ST3GAL2: variants seen among roughly 807,000 people sequenced by gnomAD.
The protein encoded by ST3GAL2 is ST3 beta-galactoside alpha-2,3-sialyltransferase 2, also known as CMP-N-acetylneuraminate-beta-galactosamide-alpha-2,3-sialyltransferase 2.
ST3GAL2 carries 16 observed loss-of-function variants against 37.5 expected under a neutral mutation model. The observed-to-expected ratio is 0.43, with a 90% confidence interval of 0.29 to 0.65. The LOEUF is 0.65. Among genes scored for constraint, ST3GAL2 ranks in the 30% least tolerant of loss-of-function variants. The probability of loss-of-function intolerance (pLI) is 0.17; values close to 1 mark genes in which losing one functional copy is unlikely to be tolerated. For synonymous variants in ST3GAL2, 238 were observed against 202.9 expected (o/e 1.17, Z -1.47); for missense variants, 383 against 487.8 (o/e 0.79, Z 2.02).
intron 1 of ST3GAL2, among the ~76,000 whole-genome samples, chr16:70,412,817 C>T (rs1373272037): frequency 6.6e-6 from 1 of 151,768 alleles, no homozygotes; most frequent in East Asian, 1.9e-4. Context: ...GAGGCCTAAG[C>T]AGGCGGATCA....
chr16:70,437,388 T>C (rs919105722), intron 1 of ST3GAL2, among the ~76,000 whole-genome samples: 8 of 152,172 alleles, frequency 5.3e-5, no homozygotes, highest in Middle Eastern at 3.4e-3. Flanking sequence ...AGATCAAGAT[T>C]GCTCCTTCAG....
rs559557885 is a variant in ST3GAL2 at position 70,399,331 on chromosome 16, G to A, written c.-801C>T. Reference sequence around the variant, plus strand: ...GCGCTGGGAACAGCTGCTGTTCAGCGGGGCACTGTGTCCAATACCATCTGG... The same window carrying A: ...GCGCTGGGAACAGCTGCTGTTCAGCAGGGCACTGTGTCCAATACCATCTGG... On this transcript the variant is annotated 5_prime_UTR_variant, in exon 2 of 7. Coordinates refer to ENST00000342907, the MANE Select transcript of ST3GAL2 (RefSeq NM_006927.4). The A allele has an allele frequency of 5.5e-5, 22 of 398,822 alleles. No homozygotes were observed. The highest frequency in any genetic ancestry group is 3.2e-4 in the East Asian group (9 of 28,076). 24.7% of individuals were successfully genotyped at this position (398,822 alleles called of 1,614,324 possible). A position where few individuals can be genotyped will look rare whatever the true frequency, so the allele number is the denominator to read the frequency against.
intron 3 of ST3GAL2, among the ~76,000 whole-genome samples, chr16:70,390,716 CCTT>C (rs2047476810): frequency 6.6e-6 from 1 of 152,236 alleles, no homozygotes; most frequent in South Asian, 2.1e-4. Context: ...TGTCTGGAAA[CCTT>C]CTCTGTGGCT....
chr16:70,431,768 C>A (rs2047791867), intron 1 of ST3GAL2, among the ~76,000 whole-genome samples: 1 of 151,740 alleles, frequency 6.6e-6, no homozygotes, highest in Non-Finnish European at 1.5e-5. Context: ...TCGAGACCAT[C>A]CTGGCTAATA....
chr16:70,383,461 G>A (rs905628130), intron 4 of ST3GAL2, among the ~76,000 whole-genome samples: 7 of 151,060 alleles, frequency 4.6e-5, no homozygotes, highest in African/African-American at 4.9e-5. Context: ...GAGCACAGCT[G>A]TTATCCCAGC....
chr16:70,377,176 CTT>C lies in ST3GAL2; in HGVS notation c.*4511_*4512del, dbSNP rs1372271244. ...GTCTGGGCGACAGGAGACCCTGTCT[CTT>C]AAAAAAAAAAAAAAAAAAAAAAAAA... On this transcript the variant is annotated 3_prime_UTR_variant, in exon 7 of 7. Transcript: ENST00000342907. 1.9e-5 allele frequency: 2 copies of C among 103,064 alleles called. No individual in the cohort carries two copies. Among genetic ancestry groups the C allele is most frequent in the East Asian group, 2.9e-4 (1 of 3,432 alleles). The allele number at this position is 103,064 out of a possible 1,614,324, so 6.4% of individuals were successfully genotyped here. A position where few individuals can be genotyped will look rare whatever the true frequency, so the allele number is the denominator to read the frequency against.
At chr16:70,387,535 A>G (rs1253758949) in intron 4 of ST3GAL2, among the ~76,000 whole-genome samples, 1 of 152,170 alleles carries the variant, frequency 6.6e-6, no homozygotes, top group Non-Finnish European at 1.5e-5. Flanking sequence ...AACCTGGGTA[A>G]GAGAGTGAGA....
In ST3GAL2 at chr16:70,381,601, T is replaced by G; in HGVS notation, c.*88A>C. ...CAGCAGACGCCCCTGGGCTGCAGCA[T>G]GATTGGTCGCGGGTTGCTGGTCCTG... On this transcript the variant is annotated 3_prime_UTR_variant, in exon 7 of 7. Coordinates refer to ENST00000342907, the MANE Select transcript of ST3GAL2 (RefSeq NM_006927.4). The G allele has an allele frequency of 6.7e-7, 1 of 1,496,322 alleles. No homozygotes were observed. The highest frequency in any genetic ancestry group is 9.0e-7 in the Non-Finnish European group (1 of 1,112,338). The allele number at this position is 1,496,322 out of a possible 1,614,324, so 92.7% of individuals were successfully genotyped here.
chr16:70,426,264 G>A (rs565535680), intron 1 of ST3GAL2, among the ~76,000 whole-genome samples: 28 of 147,912 alleles, frequency 1.9e-4, no homozygotes, highest in African/African-American at 6.7e-4. Flanking sequence ...CGCGATCTCG[G>A]CTCACTGCAA....
At chr16:70,418,487 A>G (rs1208866043) in intron 1 of ST3GAL2, among the ~76,000 whole-genome samples, 1 of 152,184 alleles carries the variant, frequency 6.6e-6, no homozygotes, top group Non-Finnish European at 1.5e-5. Context: ...AGCTGGTGAC[A>G]GGAATACTAA....
chr16:70,396,298 C>CAAAA (rs35024720), intron 2 of ST3GAL2, among the ~76,000 whole-genome samples: 1 of 129,346 alleles, frequency 7.7e-6, no homozygotes. Flanking sequence ...TATTTTTACT[C>CAAAA]AAAAAAAAAA....
chr16:70,424,771 T>C (rs2047739126), intron 1 of ST3GAL2, among the ~76,000 whole-genome samples: 2 of 152,288 alleles, frequency 1.3e-5, no homozygotes, highest in South Asian at 2.1e-4. Context: ...CAGATGCCTG[T>C]GGGTATGACT....
At chr16:70,437,261 A>G (rs1233607150) in intron 1 of ST3GAL2, among the ~76,000 whole-genome samples, 2 of 152,338 alleles carry the variant, frequency 1.3e-5, no homozygotes, top group East Asian at 1.9e-4. Flanking sequence ...CCACACAGAC[A>G]GTTGGCCCCC....
intron 1 of ST3GAL2, among the ~76,000 whole-genome samples, chr16:70,418,697 CAT>C (rs2151673335): frequency 6.6e-6 from 1 of 152,294 alleles, no homozygotes; most frequent in South Asian, 2.1e-4. Context: ...TCCCCAGATA[CAT>C]AGATACGCTC....
intron 1 of ST3GAL2, among the ~76,000 whole-genome samples, chr16:70,405,203 A>G (rs943166058): frequency 1.3e-5 from 2 of 152,234 alleles, no homozygotes; most frequent in South Asian, 4.1e-4. Context: ...AAGTTCTGGC[A>G]CTGCTACAGC....
chr16:70,405,031 CAAA>C (rs370157293), intron 1 of ST3GAL2, among the ~76,000 whole-genome samples: 4 of 69,848 alleles, frequency 5.7e-5, no homozygotes. Flanking sequence ...GACTCCATCT[CAAA>C]AAAAAAAAAA....
At chr16:70,417,380 G>C (rs1332608195) in intron 1 of ST3GAL2, among the ~76,000 whole-genome samples, 1 of 152,066 alleles carries the variant, frequency 6.6e-6, no homozygotes, top group Non-Finnish European at 1.5e-5. Context: ...CCTCCAGGAA[G>C]GTTGCGGTTT....
At chr16:70,384,724 A>C (rs974302238) in intron 4 of ST3GAL2, among the ~76,000 whole-genome samples, 2 of 149,780 alleles carry the variant, frequency 1.3e-5, no homozygotes, top group East Asian at 4.0e-4. Flanking sequence ...AAAAAAAAAA[A>C]AACACAATAG....
intron 1 of ST3GAL2, among the ~76,000 whole-genome samples, chr16:70,420,017 C>CT (rs1461685327): frequency 1.3e-5 from 2 of 149,296 alleles, no homozygotes; most frequent in Admixed American, 6.6e-5. Context: ...TTTGACCCCC[C>CT]CCTTCCCTTT....
Sources: allele counts gnomAD v4.1 joint callset (sites outside exome capture counted in the v4.1 genomes callset), GRCh38; gene constraint gnomAD v4.1.1; transcripts MANE v1.5; gene names NCBI Gene and HGNC (gene_info 2026-07-23, HGNC 2026-07-21).